ADGRL3: variants seen among roughly 807,000 people sequenced by gnomAD.
The protein encoded by ADGRL3 is adhesion G protein-coupled receptor L3, also known as calcium-independent alpha-latrotoxin receptor 3.
In ADGRL3, 62 loss-of-function variants were observed where a neutral mutation model predicts 153.5. The observed-to-expected ratio is 0.40, with a 90% CI of 0.33 to 0.50. ADGRL3 has a LOEUF of 0.50. Among genes scored for constraint, ADGRL3 ranks in the 20% least tolerant of loss-of-function variants. ADGRL3 has a pLI of 0.47. For synonymous variants in ADGRL3, 710 were observed against 672.5 expected, an observed-to-expected ratio of 1.06 and a Z score of -0.86; for missense variants, 1,641 against 1,859.4, an observed-to-expected ratio of 0.88 and a Z score of 2.16.
chr4:61,514,913 G>C (rs2098483739), intron 3 of ADGRL3, among the ~76,000 whole-genome samples: 1 of 151,840 alleles, frequency 6.6e-6, no homozygotes, highest in Non-Finnish European at 1.5e-5. Context: ...TTTAGCTGAT[G>C]CTTGATTCCA....
chr4:61,572,300 C>T (rs1037989386), intron 4 of ADGRL3, among the ~76,000 whole-genome samples: 2 of 152,096 alleles, frequency 1.3e-5, no homozygotes, highest in East Asian at 3.9e-4. Flanking sequence ...ACCTCAAGTA[C>T]TGAAGAAACT....
chr4:61,898,513 G>A (rs1364125561), intron 11 of ADGRL3, among the ~76,000 whole-genome samples: 1 of 152,076 alleles, frequency 6.6e-6, no homozygotes, highest in East Asian at 1.9e-4. Flanking sequence ...TTATAGGCAG[G>A]CTTGAGGAGA....
At chr4:61,610,050 C>A (rs1247315981) in intron 5 of ADGRL3, among the ~76,000 whole-genome samples, 1 of 151,444 alleles carries the variant, frequency 6.6e-6, no homozygotes, top group Non-Finnish European at 1.5e-5. Context: ...CCAGAGGGTT[C>A]TGTACTAACT....
intron 11 of ADGRL3, among the ~76,000 whole-genome samples, chr4:61,898,102 A>G (rs1490979829): frequency 2.0e-5 from 3 of 152,030 alleles, no homozygotes; most frequent in South Asian, 2.1e-4. Flanking sequence ...TTACCTGTCA[A>G]GCGACCCCAC....
chr4:61,504,270 C>G (rs569899198), intron 3 of ADGRL3, among the ~76,000 whole-genome samples: 4 of 152,208 alleles, frequency 2.6e-5, no homozygotes, highest in African/African-American at 9.6e-5. Flanking sequence ...ACTGGGATTA[C>G]GGGTGTGAAG....
chr4:62,024,379 T>G (rs185437452), intron 21 of ADGRL3, among the ~76,000 whole-genome samples: 121 of 152,286 alleles, frequency 7.9e-4, no homozygotes, highest in African/African-American at 2.9e-3. Context: ...AAACCATTTA[T>G]TTTATTTATT....
At chr4:61,926,165 G>C (rs1353631301) in intron 13 of ADGRL3, among the ~76,000 whole-genome samples, 7 of 152,130 alleles carry the variant, frequency 4.6e-5, no homozygotes, top group Non-Finnish European at 8.8e-5. Context: ...ATCAAAGCTA[G>C]TACACCTGTA....
chr4:61,268,073 T>C (rs1355449417), intron 1 of ADGRL3, among the ~76,000 whole-genome samples: 2 of 151,628 alleles, frequency 1.3e-5, no homozygotes, highest in Non-Finnish European at 3.0e-5. Flanking sequence ...AATGACTCCA[T>C]GTAAATGTAT....
At chr4:61,962,968 T>G (rs2098993452) in intron 17 of ADGRL3, among the ~76,000 whole-genome samples, 1 of 152,090 alleles carries the variant, frequency 6.6e-6, no homozygotes, top group Non-Finnish European at 1.5e-5. Context: ...GTGTTATAGT[T>G]CTCACAACTA....
chr4:61,294,632 T>A (rs1331973927), intron 1 of ADGRL3, among the ~76,000 whole-genome samples: 1 of 152,150 alleles, frequency 6.6e-6, no homozygotes, highest in Non-Finnish European at 1.5e-5. Context: ...AAAATAATCA[T>A]GTTCTGTCTT....
At chr4:61,921,913 C>A (rs1383757315) in intron 13 of ADGRL3, among the ~76,000 whole-genome samples, 1 of 152,140 alleles carries the variant, frequency 6.6e-6, no homozygotes, top group African/African-American at 2.4e-5. Flanking sequence ...GACAGGATCA[C>A]AAGCTAGATT....
intron 5 of ADGRL3, among the ~76,000 whole-genome samples, chr4:61,639,616 A>G (rs2093578724): frequency 6.6e-6 from 1 of 152,200 alleles, no homozygotes; most frequent in Non-Finnish European, 1.5e-5. Flanking sequence ...AAGTTATTTA[A>G]CTCAATTAAT....
intron 1 of ADGRL3, among the ~76,000 whole-genome samples, chr4:61,291,129 T>C (rs2094162368): frequency 1.3e-5 from 2 of 151,530 alleles, no homozygotes; most frequent in African/African-American, 4.9e-5. Flanking sequence ...AGAACTTTGC[T>C]ATATGTATTT....
intron 5 of ADGRL3, among the ~76,000 whole-genome samples, chr4:61,673,850 T>G (rs1385497633): frequency 1.3e-5 from 2 of 151,128 alleles, no homozygotes; most frequent in Non-Finnish European, 3.0e-5. Context: ...TAAATTATTT[T>G]GAAAGGTGAA....
chr4:62,005,961 TACACATACAC>T (rs1314114938), intron 21 of ADGRL3, among the ~76,000 whole-genome samples: 155 of 82,588 alleles, frequency 1.9e-3, no homozygotes, highest in African/African-American at 6.1e-3. Context: ...TACATATATA[TACACATACAC>T]ACACACACAC....
intron 24 of ADGRL3, among the ~76,000 whole-genome samples, chr4:62,039,508 T>C (rs1298510929): frequency 6.6e-6 from 1 of 152,180 alleles, no homozygotes; most frequent in African/African-American, 2.4e-5. Flanking sequence ...TTAAATATAA[T>C]TGCATGATTA....
At chr4:61,546,180 C>T (rs1421778704) in intron 4 of ADGRL3, among the ~76,000 whole-genome samples, 4 of 152,110 alleles carry the variant, frequency 2.6e-5, no homozygotes, top group Admixed American at 6.5e-5. Context: ...TATCTCTCTC[C>T]GGATTTCAAC....
chr4:61,563,852 A>G (rs1435072712), intron 4 of ADGRL3, among the ~76,000 whole-genome samples: 1 of 152,078 alleles, frequency 6.6e-6, no homozygotes, highest in Non-Finnish European at 1.5e-5. Context: ...TACTAAGAAC[A>G]CAAAAATTAG....
intron 5 of ADGRL3, among the ~76,000 whole-genome samples, chr4:61,646,114 G>A (rs1374462698): frequency 5.9e-5 from 9 of 151,918 alleles, no homozygotes; most frequent in African/African-American, 7.3e-5. Flanking sequence ...CGTAGTTCTC[G>A]AGCCTTGGTT....
Sources: gnomAD v4.1 joint callset for allele counts (sites outside exome capture counted in the v4.1 genomes callset) on GRCh38, gnomAD v4.1.1 for gene constraint, MANE v1.5 for transcripts, NCBI Gene and HGNC (gene_info 2026-07-23, HGNC 2026-07-21) for gene names.